The following SH3BP4 variants were observed in gnomAD, a reference collection of about 807,000 sequenced individuals.
SH3BP4 encodes the protein SH3 domain-binding protein 4.
SH3BP4 carries 33 observed loss-of-function variants against 65.5 expected under a neutral mutation model. That is an observed-to-expected ratio of 0.50 (90% CI 0.38 to 0.67). The LOEUF (loss-of-function observed/expected upper bound fraction) is 0.67, where lower values mean the gene tolerates loss of function less well. Ranked by LOEUF, SH3BP4 falls within the 30% of genes least tolerant of loss-of-function variation. The pLI is 0.00. For missense variants in SH3BP4, 1,134 were observed against 1,261.4 expected, an observed-to-expected ratio of 0.90 and a Z score of 1.53; for synonymous variants, 552 against 545.5, an observed-to-expected ratio of 1.01 and a Z score of -0.17.
intron 1 of SH3BP4, among the ~76,000 whole-genome samples, chr2:234,982,860 G>A (rs1393025059): frequency 1.8e-5 from 2 of 111,742 alleles, no homozygotes; most frequent in African/African-American, 7.3e-5. Context: ...CTGGCTCCAA[G>A]GGAGGAAGAG....
intron 2 of SH3BP4, among the ~76,000 whole-genome samples, chr2:235,014,074 A>G (rs1405208385): frequency 6.6e-6 from 1 of 152,082 alleles, no homozygotes; most frequent in Admixed American, 6.5e-5. Context: ...TTAGCTATTA[A>G]AGTATATGTT....
Position 235,052,181 on chromosome 2 carries a change from G to A in SH3BP4, c.2479-381G>A, listed in dbSNP as rs1415639247. On this transcript the variant is annotated intron_variant, in intron 4 of 5. Coordinates refer to ENST00000392011, the MANE Select transcript of SH3BP4 (RefSeq NM_014521.3). This position sits in a 1 kb window ranked among gnomAD's most constrained non-coding sequence, Gnocchi z 5.0. ...CCCGTCTCTGCCTCCGTCTTCACAC[G>A]GCCTTCTTCTCTCTGCCTCTCTGTC... Among the ~76,000 whole-genome samples, 1 of 133,196 alleles carries A rather than the reference G, an allele frequency of 7.5e-6. No homozygotes were observed. The highest frequency in any genetic ancestry group is 1.6e-5 in the Non-Finnish European group (1 of 62,072). 87.4% of individuals were successfully genotyped at this position (133,196 alleles called of 152,430 possible).
chr2:235,051,962 AATG>A (rs1048372366), intron 4 of SH3BP4, among the ~76,000 whole-genome samples: 1 of 152,168 alleles, frequency 6.6e-6, no homozygotes, highest in Non-Finnish European at 1.5e-5. Context: ...TGCCAAGACA[AATG>A]ACCACAAACC....
intron 2 of SH3BP4, among the ~76,000 whole-genome samples, chr2:235,017,149 T>C (rs1213695242): frequency 6.8e-6 from 1 of 147,520 alleles, no homozygotes; most frequent in Non-Finnish European, 1.5e-5. Flanking sequence ...TAAGACTTAA[T>C]ATATTCACAT....
chr2:235,042,806 G>C lies in SH3BP4; in HGVS notation c.2037G>C (p.Lys679Asn). The C allele has an allele frequency of 6.2e-7, 1 of 1,614,068 alleles. No individual in the cohort carries two copies. The highest frequency in any genetic ancestry group is 8.5e-7 in the Non-Finnish European group (1 of 1,180,024). ...ACCACTACCTGCTGGAGTACAAGAA[G>C]GGCGACGGGATCGCCCTGCTCAGCG... ...NKNHYLLEYK[K>N]GDGIALLSEE... The change falls in exon 4 of 6, where the codon AAG becomes AAC. Residue 679 changes from lysine (K) to asparagine (N), a missense_variant. Lys to Asn is a moderately conservative substitution (Grantham distance 94). Transcript: ENST00000392011. The surrounding 1 kb of genome is among the most constrained non-coding windows in gnomAD (Gnocchi z 7.3).
chr2:235,030,755 C>T lies in SH3BP4; in HGVS notation c.-132-4116C>T, dbSNP rs1006441763. Among the ~76,000 whole-genome samples, 1 of 152,166 alleles carries T rather than the reference C, an allele frequency of 6.6e-6. No homozygotes were observed. Among genetic ancestry groups the T allele is most frequent in the African/African-American group, 2.4e-5 (1 of 41,440 alleles). The stretch of plus-strand genomic sequence containing the variant: ...TGCTGGCTGCATTCTCCATCCCGTG[C>T]CAGCCCCCTGTAGATGCAGTGGTGT... On this transcript the variant is annotated intron_variant, in intron 2 of 5. Transcript: ENST00000392011. The surrounding 1 kb of genome is among the most constrained non-coding windows in gnomAD (Gnocchi z 4.1).
intron 2 of SH3BP4, among the ~76,000 whole-genome samples, chr2:234,998,728 C>T (rs1327432108): frequency 1.3e-5 from 2 of 152,240 alleles, no homozygotes; most frequent in Non-Finnish European, 2.9e-5. Flanking sequence ...TGCCCCTGCC[C>T]CCGCCTCTGG....
At chr2:234,986,516 C>T (rs898639049) in intron 1 of SH3BP4, among the ~76,000 whole-genome samples, 1 of 152,234 alleles carries the variant, frequency 6.6e-6, no homozygotes, top group Admixed American at 6.5e-5. Flanking sequence ...TGGAATCTTA[C>T]ACCCTCACTT....
At chr2:234,993,952 G>C (rs1179480521) in intron 1 of SH3BP4, among the ~76,000 whole-genome samples, 2 of 152,216 alleles carry the variant, frequency 1.3e-5, no homozygotes, top group Non-Finnish European at 2.9e-5. Context: ...TCTGGTTTCA[G>C]ATCTTTTGTG....
In SH3BP4 at chr2:235,034,043, C is replaced by T. The variant is rs867679090; in HGVS notation, c.-132-828C>T. Among the ~76,000 whole-genome samples the T allele has an allele frequency of 1.3e-4, 20 of 152,090 alleles. No individual in the cohort carries two copies. Among genetic ancestry groups the T allele is most frequent in the East Asian group, 1.9e-4 (1 of 5,184 alleles). On this transcript the variant is annotated intron_variant, in intron 2 of 5. Transcript: ENST00000392011. This position sits in a 1 kb window ranked among gnomAD's most constrained non-coding sequence, Gnocchi z 6.2. Reference sequence around the variant, plus strand: ...CACATGAAATTCACTGCTTTGAAATCGGCTCGCTGCTGTTCCTGTCCCTTC... The same window carrying T: ...CACATGAAATTCACTGCTTTGAAATTGGCTCGCTGCTGTTCCTGTCCCTTC...
At chr2:234,955,429 C>G (rs777889385) in intron 1 of SH3BP4, among the ~76,000 whole-genome samples, 2 of 152,160 alleles carry the variant, frequency 1.3e-5, no homozygotes, top group Non-Finnish European at 2.9e-5. Flanking sequence ...CTACTTGATT[C>G]AGTATCCTCC....
Position 235,034,125 on chromosome 2 carries a change from AC to A in SH3BP4, c.-132-740del, listed in dbSNP as rs34333205. 6.6e-6 allele frequency among the ~76,000 whole-genome samples: 1 copy of A among 150,932 alleles called. No homozygotes were observed. Among genetic ancestry groups the A allele is most frequent in the Non-Finnish European group, 1.5e-5 (1 of 67,770 alleles). ...GCCAGTCACCTCATTCATATCCAGA[AC>A]CCCCCACATGCTTCAGTCCTGTCTG... On this transcript the variant is annotated intron_variant, in intron 2 of 5. Coordinates refer to ENST00000392011, the MANE Select transcript of SH3BP4 (RefSeq NM_014521.3). The surrounding 1 kb of genome is among the most constrained non-coding windows in gnomAD (Gnocchi z 6.2).
At chr2:235,013,736 A>C (rs1006627522) in intron 2 of SH3BP4, among the ~76,000 whole-genome samples, 2 of 152,174 alleles carry the variant, frequency 1.3e-5, no homozygotes, top group Non-Finnish European at 1.5e-5. Flanking sequence ...GTTTGAGCGC[A>C]TTCCTAGTTA....
chr2:235,017,613 G>A (rs368617370), intron 2 of SH3BP4, among the ~76,000 whole-genome samples: 242 of 152,206 alleles, frequency 1.6e-3, no homozygotes, highest in Middle Eastern at 6.8e-3. Flanking sequence ...GAGTGACTGG[G>A]CATAAGTTGC....
In SH3BP4 at chr2:235,042,784, A is replaced by G; in HGVS notation, c.2015A>G (p.His672Arg). 6.2e-7 allele frequency: 1 copy of G among 1,614,114 alleles called. No individual in the cohort carries two copies. The highest frequency in any genetic ancestry group is 8.5e-7 in the Non-Finnish European group (1 of 1,180,030). Residue 672 changes from histidine (H) to arginine (R), a missense_variant, in exon 4 of 6, where the codon CAC (histidine) becomes CGC (arginine). Transcript: ENST00000392011. This position sits in a 1 kb window ranked among gnomAD's most constrained non-coding sequence, Gnocchi z 7.3. ...ACTGTGGTGCGGCAGAACAAGAACC[A>G]CTACCTGCTGGAGTACAAGAAGGGC... ...LKTVVRQNKN[H>R]YLLEYKKGDG...
intron 1 of SH3BP4, among the ~76,000 whole-genome samples, chr2:234,992,666 C>G (rs143606700): frequency 1.3e-5 from 2 of 148,608 alleles, no homozygotes; most frequent in African/African-American, 2.5e-5. Flanking sequence ...CTGCGTGGCT[C>G]TGGGTCTGGA....
chr2:234,969,002 C>T (rs1015996787), intron 1 of SH3BP4, among the ~76,000 whole-genome samples: 1 of 152,184 alleles, frequency 6.6e-6, no homozygotes, highest in African/African-American at 2.4e-5. Context: ...AGAGCTCTTT[C>T]TTCCTTTATG....
At chr2:235,019,123 A>G (rs1339728790) in intron 2 of SH3BP4, among the ~76,000 whole-genome samples, 1 of 152,164 alleles carries the variant, frequency 6.6e-6, no homozygotes, top group East Asian at 1.9e-4. Context: ...TCAAGAGGTG[A>G]AATTTTGTTC....
chr2:235,024,042 A>G (rs1026786165), intron 2 of SH3BP4, among the ~76,000 whole-genome samples: 1 of 152,092 alleles, frequency 6.6e-6, no homozygotes, highest in African/African-American at 2.4e-5. Context: ...TCAAGGATGG[A>G]TTTTTCATTG....
Sources: gnomAD v4.1 joint callset for allele counts (sites outside exome capture counted in the v4.1 genomes callset) on GRCh38, gnomAD v4.1.1 for gene constraint, Gnocchi (gnomAD v3.1) non-coding constraint, MANE v1.5 for transcripts, NCBI Gene and HGNC (gene_info 2026-07-23, HGNC 2026-07-21) for gene names.